Variants in EFTUD2 observed in about 807,000 individuals in gnomAD.
EFTUD2 encodes elongation factor Tu GTP binding domain containing 2.
EFTUD2 carries 9 observed loss-of-function variants against 114.3 expected under a neutral mutation model. That is an observed-to-expected ratio of 0.08 (90% CI 0.05 to 0.14). EFTUD2 has a LOEUF of 0.14. EFTUD2 is among the 10% of genes least tolerant of loss of function. EFTUD2 has a pLI of 1.00. For synonymous variants in EFTUD2, 449 were observed against 462.3 expected (o/e 0.97, Z 0.37); for missense variants, 765 against 1,241.2 (o/e 0.62, Z 5.76).
chr17:44,857,041 C>A, intron 20 of EFTUD2, 34 bp downstream of exon 20: 1 of 1,571,548 alleles, frequency 6.4e-7, no homozygotes, highest in Non-Finnish European at 8.8e-7. Context: ...GTCCAGGAGG[C>A]TGCAGTCCCA....
chr17:44,871,803 G>T (rs1047921253), intron 11 of EFTUD2, among the ~76,000 whole-genome samples: 1 of 152,140 alleles, frequency 6.6e-6, no homozygotes, highest in Non-Finnish European at 1.5e-5. Context: ...CTCTAAGAAC[G>T]GGGTAACAGT....
Position 44,854,731 on chromosome 17 carries a change from T to C in EFTUD2, c.2133-49A>G, listed in dbSNP as rs763758806. ...AGCTGTCAGCCAGCTCTGTGATTGC[T>C]GGTCCTGGAGCCACAGACCCTCCCT... is the stretch of plus-strand genomic sequence containing the variant. On this transcript the variant is annotated intron_variant, in intron 21 of 27. Coordinates refer to ENST00000426333, the MANE Select transcript of EFTUD2 (RefSeq NM_004247.4). The surrounding 1 kb of genome is among the most constrained non-coding windows in gnomAD (Gnocchi z 4.3). The C allele has an allele frequency of 1.3e-6, 2 of 1,598,276 alleles. No individual in the cohort carries two copies. Among genetic ancestry groups the C allele is most frequent in the Admixed American group, 1.7e-5 (1 of 59,250 alleles).
chr17:44,876,255 C>A (rs1372841284), intron 9 of EFTUD2, among the ~76,000 whole-genome samples, 155 bp from the exon 10 acceptor site: 1 of 152,008 alleles, frequency 6.6e-6, no homozygotes, highest in African/African-American at 2.4e-5. Context: ...GCATCCTGCC[C>A]GAAGATAGAC....
intron 11 of EFTUD2, among the ~76,000 whole-genome samples, chr17:44,872,137 A>C (rs2050866441): frequency 1.3e-5 from 2 of 152,224 alleles, no homozygotes; most frequent in Admixed American, 1.3e-4. Flanking sequence ...AAGGTCTGAA[A>C]GTGCCTGTGG....
intron 14 of EFTUD2, 195 bp from the exon 15 acceptor site, chr17:44,863,977 GC>G: frequency 1.6e-6 from 1 of 618,820 alleles, no homozygotes; most frequent in Non-Finnish European, 2.6e-6. Flanking sequence ...TCACCCTGAT[GC>G]CAGAAAAGAG....
rs1166982674 is a variant in EFTUD2 at position 44,850,896 on chromosome 17, G to A, written c.*378C>T. 3.9e-6 allele frequency: 1 copy of A among 256,726 alleles called. No individual in the cohort carries two copies. Among genetic ancestry groups the A allele is most frequent in the African/African-American group, 2.2e-5 (1 of 45,826 alleles). 15.9% of individuals were successfully genotyped at this position (256,726 alleles called of 1,614,324 possible). On this transcript the variant is annotated 3_prime_UTR_variant, in exon 28 of 28. Transcript: ENST00000426333. ...GGGGCAGGGGAGACGAGGATGAAAG[G>A]AGCAGAGCAAGACAGAGGTCAGAAT... is the stretch of plus-strand genomic sequence containing the variant.
intron 7 of EFTUD2, 36 bp from the exon 8 acceptor site, chr17:44,880,680 A>G: frequency 6.5e-7 from 1 of 1,547,232 alleles, no homozygotes; most frequent in Admixed American, 1.7e-5. Context: ...ACCTCTTCCT[A>G]TGCAAGAGGG....
intron 9 of EFTUD2, among the ~76,000 whole-genome samples, chr17:44,877,248 G>A (rs568957926): frequency 7.2e-5 from 11 of 152,090 alleles, no homozygotes; most frequent in African/African-American, 2.4e-4. Context: ...CTGAGTCCAG[G>A]ATTGGGACAA....
At chr17:44,868,484 C>A in intron 11 of EFTUD2, 134 bp from the exon 12 acceptor site, 1 of 770,164 alleles carries the variant, frequency 1.3e-6, no homozygotes, top group Non-Finnish European at 2.1e-6. Flanking sequence ...TTCCTTCTAA[C>A]CAGAGAGGAA....
intron 1 of EFTUD2, among the ~76,000 whole-genome samples, chr17:44,894,937 C>G (rs1164785737): frequency 1.3e-5 from 2 of 152,180 alleles, no homozygotes; most frequent in Non-Finnish European, 2.9e-5. Context: ...ATGGCAAGAA[C>G]AGTACAAATA....
intron 8 of EFTUD2, 120 bp downstream of exon 8, chr17:44,880,434 C>A: frequency 3.0e-6 from 2 of 659,532 alleles, no homozygotes; most frequent in Admixed American, 2.8e-5. Context: ...AAAATGGTTT[C>A]AATGAAGGTG....
At chr17:44,880,821 AT>A (rs534350379) in intron 7 of EFTUD2, among the ~76,000 whole-genome samples, 177 bp from the exon 8 acceptor site, 34 of 152,214 alleles carry the variant, frequency 2.2e-4, no homozygotes, top group Non-Finnish European at 4.0e-4. Flanking sequence ...GTTAGACACC[AT>A]TTTTGGGGGA....
At chr17:44,855,050 A>G in intron 20 of EFTUD2, 46 bp from the exon 21 acceptor site, 1 of 1,520,368 alleles carries the variant, frequency 6.6e-7, no homozygotes, top group Non-Finnish European at 9.1e-7. Context: ...ACAGAACAGC[A>G]GAAGAGGCAT....
chr17:44,896,361 T>G (rs2051384738), intron 1 of EFTUD2, among the ~76,000 whole-genome samples: 1 of 152,208 alleles, frequency 6.6e-6, no homozygotes, highest in African/African-American at 2.4e-5. Flanking sequence ...AAATAGTAGT[T>G]AACTGGCTGG....
intron 7 of EFTUD2, 51 bp from the exon 8 acceptor site, chr17:44,880,695 A>C (rs2051057858): frequency 6.6e-7 from 1 of 1,522,620 alleles, no homozygotes; most frequent in Non-Finnish European, 9.1e-7. Context: ...AGAGGGGTTC[A>C]TTTTGTTTTT....
At chr17:44,858,142 G>C (rs558059808) in intron 19 of EFTUD2, among the ~76,000 whole-genome samples, 38 of 152,210 alleles carry the variant, frequency 2.5e-4, no homozygotes, top group Non-Finnish European at 5.4e-4. Flanking sequence ...GGCTGGTCTT[G>C]AACTCCTGAC....
intron 6 of EFTUD2, 199 bp from the exon 7 acceptor site, chr17:44,881,921 G>A (rs1037307380): frequency 3.6e-6 from 2 of 559,786 alleles, no homozygotes; most frequent in Non-Finnish European, 6.4e-6. Flanking sequence ...TGGGTGTGTG[G>A]AGGGATTTTT....
intron 10 of EFTUD2, among the ~76,000 whole-genome samples, chr17:44,874,778 C>CA (rs1489261497): frequency 1.3e-5 from 2 of 152,202 alleles, no homozygotes; most frequent in African/African-American, 4.8e-5. Context: ...TCCACAGAAA[C>CA]ACAGCAAACA....
rs2051470031 is a variant in EFTUD2, at chr17:44,899,384, C to G, written c.-20G>C. The G allele has an allele frequency of 6.6e-6, 1 of 152,310 alleles. No individual in the cohort carries two copies. Among genetic ancestry groups the G allele is most frequent in the Non-Finnish European group, 1.5e-5 (1 of 68,106 alleles). The allele number at this position is 152,310 out of a possible 1,614,324, so 9.4% of individuals were successfully genotyped here. ...TTCAACTTACCTCTCGCCTGCTCAG[C>G]TAAGAGTTCCCAGGCCGCTGCCGGA... is the stretch of plus-strand genomic sequence containing the variant. On this transcript the variant is annotated 5_prime_UTR_variant, in exon 1 of 28. Transcript: ENST00000426333.
Sources: gnomAD v4.1 joint callset for allele counts (sites outside exome capture counted in the v4.1 genomes callset) on GRCh38, gnomAD v4.1.1 for gene constraint, Gnocchi (gnomAD v3.1) non-coding constraint, MANE v1.5 for transcripts, NCBI Gene and HGNC (gene_info 2026-07-23, HGNC 2026-07-21) for gene names.